Variants in RGL1 observed in about 807,000 individuals in gnomAD.
The protein encoded by RGL1 is ral guanine nucleotide dissociation stimulator like 1.
RGL1 carries 24 observed loss-of-function variants against 95.2 expected under a neutral mutation model. That is an observed-to-expected ratio of 0.25 (90% CI 0.18 to 0.35). The LOEUF is 0.35. Ranked by LOEUF, RGL1 falls within the 10% of genes least tolerant of loss-of-function variation. RGL1 has a pLI of 1.00. For missense variants in RGL1, 715 were observed against 936.3 expected (o/e 0.76, Z 3.08); for synonymous variants, 329 against 344.9 (o/e 0.95, Z 0.51).
chr1:183,765,821 A>C (rs1024102553), intron 2 of RGL1, among the ~76,000 whole-genome samples: 15 of 152,230 alleles, frequency 9.9e-5, no homozygotes, highest in African/African-American at 3.6e-4. Flanking sequence ...ATAGTCAAAG[A>C]CACAATTGAC....
rs532724654 is a variant in RGL1, at chr1:183,789,077, G to A, written c.133-17298G>A. ...CTCTCAACATTTATCATATGGTAGT[G>A]TAAGTGCTTTGTCTGTTTCTCCCTC... On this transcript the variant is annotated intron_variant, in intron 2 of 18. Transcript: ENST00000304685. Among the ~76,000 whole-genome samples the A allele has an allele frequency of 3.9e-4, 59 of 152,356 alleles. 1 individual carries two copies. Among genetic ancestry groups the A allele is most frequent in the African/African-American group, 1.4e-3 (59 of 41,580 alleles).
intron 2 of RGL1, among the ~76,000 whole-genome samples, chr1:183,810,773 A>G (rs1022493023): frequency 4.6e-5 from 7 of 152,170 alleles, no homozygotes; most frequent in African/African-American, 1.7e-4. Context: ...CAAATGGCAT[A>G]CAGTTCCTGG....
chr1:183,890,563 TC>T (rs1226577414), intron 8 of RGL1, among the ~76,000 whole-genome samples: 1 of 152,198 alleles, frequency 6.6e-6, no homozygotes, highest in African/African-American at 2.4e-5. Context: ...ATTGCTAAAT[TC>T]AAGGAACAGG....
intron 1 of RGL1, among the ~76,000 whole-genome samples, chr1:183,649,498 G>GT (rs1024374074): frequency 4.6e-5 from 7 of 151,854 alleles, no homozygotes; most frequent in Admixed American, 2.6e-4. Context: ...AGGTTTTTGG[G>GT]TTTTTTTTGA....
At chr1:183,923,257 G>A (rs186767016) in intron 17 of RGL1, among the ~76,000 whole-genome samples, 12 of 152,282 alleles carry the variant, frequency 7.9e-5, no homozygotes, top group Non-Finnish European at 1.3e-4. Context: ...GGATCAGCAT[G>A]TCACCCAGGG....
At chr1:183,682,580 C>T (rs1359952004) in intron 1 of RGL1, among the ~76,000 whole-genome samples, 1 of 152,078 alleles carries the variant, frequency 6.6e-6, no homozygotes, top group African/African-American at 2.4e-5. Flanking sequence ...GAGTGTTTTA[C>T]TTTGAATTAT....
intron 1 of RGL1, among the ~76,000 whole-genome samples, chr1:183,664,965 T>C (rs1651929373): frequency 1.3e-5 from 2 of 152,182 alleles, no homozygotes; most frequent in African/African-American, 2.4e-5. Context: ...GTTCCTGATC[T>C]TAGTGGGAAA....
At chr1:183,645,344 G>A (rs1224566211) in intron 1 of RGL1, among the ~76,000 whole-genome samples, 1 of 152,150 alleles carries the variant, frequency 6.6e-6, no homozygotes, top group Non-Finnish European at 1.5e-5. Context: ...AGGTAGTTGA[G>A]CATATAAAGC....
intron 11 of RGL1, among the ~76,000 whole-genome samples, chr1:183,901,609 T>C (rs1668029137): frequency 6.6e-6 from 1 of 152,168 alleles, no homozygotes; most frequent in South Asian, 2.1e-4. Context: ...AAATATGCTT[T>C]TCTTTTTGTA....
chr1:183,659,972 A>G (rs1651486832), intron 1 of RGL1, among the ~76,000 whole-genome samples: 2 of 151,336 alleles, frequency 1.3e-5, no homozygotes, highest in Non-Finnish European at 1.5e-5. Flanking sequence ...TCATAAGTGA[A>G]GGAGAAATAA....
chr1:183,793,585 A>G (rs1374670833), intron 2 of RGL1, among the ~76,000 whole-genome samples: 1 of 152,090 alleles, frequency 6.6e-6, no homozygotes, highest in African/African-American at 2.4e-5. Context: ...AAAAAACAAA[A>G]CAAAACAATC....
chr1:183,752,102 A>C (rs546579134), intron 2 of RGL1, among the ~76,000 whole-genome samples: 11 of 152,306 alleles, frequency 7.2e-5, no homozygotes, highest in African/African-American at 2.6e-4. Context: ...GATATGTGCA[A>C]GTTCTCTTCT....
At chr1:183,851,246 C>T (rs1664808416) in intron 3 of RGL1, among the ~76,000 whole-genome samples, 2 of 152,142 alleles carry the variant, frequency 1.3e-5, no homozygotes, top group African/African-American at 4.8e-5. Context: ...AGATCCTTTG[C>T]TTGCTTCTGA....
At chr1:183,743,470 G>C (rs1397850086) in intron 2 of RGL1, among the ~76,000 whole-genome samples, 1 of 152,208 alleles carries the variant, frequency 6.6e-6, no homozygotes, top group Admixed American at 6.5e-5. Context: ...TTTCTGAGAG[G>C]CTTACCTGGG....
At chr1:183,701,075 G>A (rs1383563572) in intron 1 of RGL1, among the ~76,000 whole-genome samples, 1 of 152,168 alleles carries the variant, frequency 6.6e-6, no homozygotes, top group Non-Finnish European at 1.5e-5. Context: ...TCCCTGCAAA[G>A]GACATGAATT....
At chr1:183,772,572 C>A (rs1659338068) in intron 2 of RGL1, among the ~76,000 whole-genome samples, 1 of 152,184 alleles carries the variant, frequency 6.6e-6, no homozygotes, top group Non-Finnish European at 1.5e-5. Flanking sequence ...CTCCCATGTC[C>A]TGGCATCTGA....
chr1:183,884,594 A>G, intron 6 of RGL1, 129 bp from the exon 7 acceptor site: 1 of 708,690 alleles, frequency 1.4e-6, no homozygotes, highest in Non-Finnish European at 2.4e-6. Flanking sequence ...GGACACCATG[A>G]GACAAATCAA....
intron 1 of RGL1, among the ~76,000 whole-genome samples, chr1:183,642,592 A>G (rs2101977229): frequency 6.6e-6 from 1 of 152,354 alleles, no homozygotes; most frequent in African/African-American, 2.4e-5. Context: ...AACCTAAAAA[A>G]ACCTTGTTAT....
intron 1 of RGL1, among the ~76,000 whole-genome samples, chr1:183,739,742 G>A (rs1470687671): frequency 6.6e-6 from 1 of 152,190 alleles, no homozygotes; most frequent in African/African-American, 2.4e-5. Context: ...GTTCCTGAGT[G>A]CTTTGGAATC....
Sources: gnomAD v4.1 joint callset for allele counts (sites outside exome capture counted in the v4.1 genomes callset) on GRCh38, gnomAD v4.1.1 for gene constraint, MANE v1.5 for transcripts, NCBI Gene and HGNC (gene_info 2026-07-23, HGNC 2026-07-21) for gene names.